The following DMD variants were observed in gnomAD, a reference collection of about 807,000 sequenced individuals.
The protein encoded by DMD is mutant dystrophin.
DMD carries 63 observed loss-of-function variants against 330.1 expected under a neutral mutation model. That is an observed-to-expected ratio of 0.19 (90% confidence interval 0.16 to 0.24). The LOEUF is 0.24. Among genes scored for constraint, DMD ranks in the 10% least tolerant of loss-of-function variants. The pLI, the probability that DMD is intolerant of heterozygous loss-of-function variation, is 1.00. For synonymous variants in DMD, 1,223 were observed against 959.8 expected, an observed-to-expected ratio of 1.27 and a Z score of -5.07; for missense variants, 3,344 against 2,684.1, an observed-to-expected ratio of 1.25 and a Z score of -5.43.
intron 63 of DMD, among the ~76,000 whole-genome samples, chrX:31,259,010 A>G (rs1452306251): frequency 9.0e-6 from 1 of 111,068 alleles, no homozygotes; most frequent in Non-Finnish European, 1.9e-5. Context: ...ATATGTATAG[A>G]AAGACATTTT....
intron 60 of DMD, among the ~76,000 whole-genome samples, chrX:31,431,144 C>T (rs1047023711): frequency 7.2e-5 from 8 of 110,485 alleles, no homozygotes; most frequent in Non-Finnish European, 1.5e-4. Flanking sequence ...TTACAATAAT[C>T]CACCTACACT....
intron 7 of DMD, among the ~76,000 whole-genome samples, chrX:32,790,035 T>C (rs1300516710): frequency 1.8e-5 from 2 of 111,788 alleles, no homozygotes; most frequent in Non-Finnish European, 3.8e-5. Flanking sequence ...TTTCTCACTT[T>C]TCAACTGGAT....
chrX:31,536,936 A>C (rs1314447553), intron 55 of DMD, among the ~76,000 whole-genome samples: 3 of 111,008 alleles, frequency 2.7e-5, no homozygotes, highest in African/African-American at 9.8e-5. Context: ...CTGCCCCTAC[A>C]TCCATCTTCT....
chrX:31,143,778 C>G (rs2036364324), intron 76 of DMD, among the ~76,000 whole-genome samples: 1 of 111,525 alleles, frequency 9.0e-6, no homozygotes, highest in Non-Finnish European at 1.9e-5. Context: ...ATTAATGCTT[C>G]TAAGCACCCA....
chrX:32,191,432 T>C (rs12558178), intron 44 of DMD, among the ~76,000 whole-genome samples: 21,794 of 111,510 alleles, frequency 0.2, 1,766 homozygotes, highest in East Asian at 0.36. Context: ...AAGATTTGAC[T>C]GTTTATTCAT....
At chrX:32,996,301 G>A (rs2093118135) in intron 2 of DMD, among the ~76,000 whole-genome samples, 1 of 111,079 alleles carries the variant, frequency 9.0e-6, no homozygotes, top group African/African-American at 3.3e-5. Flanking sequence ...AAAGGTGGAT[G>A]GTAAATATTT....
intron 44 of DMD, among the ~76,000 whole-genome samples, chrX:32,100,623 A>G: frequency 9.0e-6 from 1 of 110,992 alleles, no homozygotes; most frequent in East Asian, 2.9e-4. Context: ...CAATTTGCCT[A>G]TTAAAATATT....
intron 55 of DMD, among the ~76,000 whole-genome samples, chrX:31,576,306 A>C (rs2076095667): frequency 8.9e-6 from 1 of 112,135 alleles, no homozygotes; most frequent in Admixed American, 9.5e-5. Flanking sequence ...TAGCGGTTTT[A>C]ATATCATTCA....
intron 55 of DMD, among the ~76,000 whole-genome samples, chrX:31,577,617 T>C (rs1301032184): frequency 1.8e-5 from 2 of 112,428 alleles, no homozygotes; most frequent in African/African-American, 3.2e-5. Flanking sequence ...AAAGGATTCT[T>C]ATGTGGCTGG....
At chrX:31,241,765 C>A (rs2048319258) in intron 63 of DMD, among the ~76,000 whole-genome samples, 2 of 111,348 alleles carry the variant, frequency 1.8e-5, no homozygotes, top group Admixed American at 9.6e-5. Context: ...ACGAAATAAT[C>A]TCTCCCCTCT....
intron 9 of DMD, among the ~76,000 whole-genome samples, chrX:32,683,774 C>T (rs2062622330): frequency 9.9e-6 from 1 of 101,392 alleles, no homozygotes; most frequent in Non-Finnish European, 1.9e-5. Flanking sequence ...GCACATGTAC[C>T]CTAAAAGTAT....
At chrX:33,002,913 T>A in intron 2 of DMD, among the ~76,000 whole-genome samples, 1 of 102,111 alleles carries the variant, frequency 9.8e-6, no homozygotes, top group South Asian at 4.8e-4. Context: ...AAAAAATTCC[T>A]CAGGGACCTC....
intron 57 of DMD, 146 bp from the exon 58 acceptor site, chrX:31,479,249 T>C (rs2068054536): frequency 1.5e-6 from 1 of 675,537 alleles, no homozygotes. Flanking sequence ...AAATGATTTT[T>C]TTTAAAGGCT....
At chrX:31,318,905 C>G (rs2056229945) in intron 62 of DMD, among the ~76,000 whole-genome samples, 1 of 111,977 alleles carries the variant, frequency 8.9e-6, no homozygotes, top group African/African-American at 3.2e-5. Context: ...AGGAAAGGAC[C>G]AGCTTGTCTA....
At chrX:32,348,754 T>C (rs191948226) in intron 37 of DMD, among the ~76,000 whole-genome samples, 1 of 111,768 alleles carries the variant, frequency 8.9e-6, no homozygotes. Context: ...TGCAAGATAG[T>C]ACAATTCATC....
intron 60 of DMD, among the ~76,000 whole-genome samples, chrX:31,351,109 T>G (rs28725488): frequency 1.4e-4 from 15 of 109,542 alleles, no homozygotes; most frequent in African/African-American, 5.0e-4. Flanking sequence ...TCCAACTGCA[T>G]GAGATAATAC....
At chrX:31,218,132 C>T (rs765339970) in intron 64 of DMD, among the ~76,000 whole-genome samples, 2 of 110,222 alleles carry the variant, frequency 1.8e-5, no homozygotes, top group Admixed American at 9.6e-5. Flanking sequence ...GCAGGAAAAT[C>T]GAATAATGCC....
chrX:31,196,668 A>C (rs2042915058), intron 67 of DMD, among the ~76,000 whole-genome samples: 1 of 108,157 alleles, frequency 9.2e-6, no homozygotes, highest in Non-Finnish European at 1.9e-5. Context: ...TAAAAATACA[A>C]AAATTAGCTG....
Position 32,389,621 on chromosome X carries a change from A to C in DMD, c.4398T>G (p.Asn1466Lys). The C allele has an allele frequency of 8.3e-7, 1 of 1,211,040 alleles. No homozygotes were observed. Among genetic ancestry groups the C allele is most frequent in the Non-Finnish European group, 1.1e-6 (1 of 895,117 alleles). ...TACTTTCTTGTAGACGCTGCTCAAA[A>C]TTGGCTGGTTTCTGGAATAATCGAA... ...MKFRLFQKPANFEQRLQESKM... is the reference protein window; with the variant it reads ...MKFRLFQKPAKFEQRLQESKM... Residue 1466 changes from asparagine to lysine, a missense_variant, in exon 32 of 79, where the codon AAT becomes AAG. Transcript: ENST00000357033.
Sources: gnomAD v4.1 joint callset for allele counts (sites outside exome capture counted in the v4.1 genomes callset) on GRCh38, gnomAD v4.1.1 for gene constraint, MANE v1.5 for transcripts, NCBI Gene and HGNC (gene_info 2026-07-23, HGNC 2026-07-21) for gene names.